Variants in MAML2 observed in about 807,000 individuals in gnomAD.
MAML2 encodes mastermind-like protein 2.
MAML2 carries 22 observed loss-of-function variants against 96.1 expected under a neutral mutation model. That is an observed-to-expected ratio of 0.23 (90% CI 0.16 to 0.33). MAML2 has a LOEUF of 0.33. Among genes scored for constraint, MAML2 ranks in the 10% least tolerant of loss-of-function variants. The probability of loss-of-function intolerance (pLI) is 1.00; values close to 1 mark genes in which losing one functional copy is unlikely to be tolerated. For missense variants in MAML2, 1,367 were observed against 1,392.4 expected, an observed-to-expected ratio of 0.98 and a Z score of 0.29; for synonymous variants, 561 against 521.3, an observed-to-expected ratio of 1.08 and a Z score of -1.04.
At chr11:96,082,835 T>C (rs1859549024) in intron 2 of MAML2, among the ~76,000 whole-genome samples, 1 of 152,146 alleles carries the variant, frequency 6.6e-6, no homozygotes, top group South Asian at 2.1e-4. Context: ...TGGATGGTCA[T>C]GCAGTGGTGT....
intron 1 of MAML2, among the ~76,000 whole-genome samples, chr11:96,157,102 G>A (rs1861021563): frequency 6.6e-6 from 1 of 152,230 alleles, no homozygotes; most frequent in Admixed American, 6.5e-5. Flanking sequence ...TACAAGAAGA[G>A]ATTGATAAAC....
chr11:96,238,141 G>A (rs1862389499), intron 1 of MAML2, among the ~76,000 whole-genome samples: 2 of 152,202 alleles, frequency 1.3e-5, no homozygotes, highest in South Asian at 2.1e-4. Context: ...TTAGTACAGA[G>A]CTTTAGTTGT....
intron 2 of MAML2, among the ~76,000 whole-genome samples, chr11:96,053,348 T>C (rs1859016115): frequency 6.6e-6 from 1 of 152,150 alleles, no homozygotes; most frequent in Non-Finnish European, 1.5e-5. Context: ...CAGAAATCCC[T>C]GACAGAAATG....
intron 1 of MAML2, among the ~76,000 whole-genome samples, chr11:96,202,177 CAAAAAAAAAA>C (rs35124521): frequency 4.3e-4 from 33 of 75,864 alleles, no homozygotes; most frequent in Middle Eastern, 6.9e-3. Flanking sequence ...ACTAAAAATA[CAAAAAAAAAA>C]AAAAAAAAAA....
chr11:96,082,346 G>C (rs890274294), intron 2 of MAML2, among the ~76,000 whole-genome samples: 8 of 152,196 alleles, frequency 5.3e-5, no homozygotes, highest in African/African-American at 1.9e-4. Flanking sequence ...TATACTGAAA[G>C]GTTTGCACTG....
At position 95,979,778 on chromosome 11, in the gene MAML2, A is replaced by T. The variant is rs561426735; in HGVS notation, c.2641T>A (p.Tyr881Asn). 4 of 1,613,854 alleles carry T rather than the reference A, an allele frequency of 2.5e-6. No homozygotes were observed. In the African/African-American group the frequency reaches 5.3e-5, roughly 22 times the overall value. The change falls in exon 5 of 5, where the codon TAC (tyrosine) becomes AAC (asparagine). Residue 881 changes from tyrosine (Y) to asparagine (N), a missense_variant. By Grantham distance (143) the Tyr-to-Asn change is moderately radical. Coordinates refer to ENST00000524717, the MANE Select transcript of MAML2 (RefSeq NM_032427.4). ...TGATTCATTCCTGAAGTGACACTGT[A>T]TGTGTTAGGTTGATTACAAGGCAGA... ...GNLPCNQPNTYSVTSGMNQLT... is the reference protein window; with the variant it reads ...GNLPCNQPNTNSVTSGMNQLT...
rs78331600 is a variant in MAML2, at chr11:96,066,891, C to T, written c.2139+25001G>A. Reference sequence around the variant, plus strand: ...GCAGGGGGAAAGGAAAGAGCAAAGACTCTGAGATGGGCTTGTACTTGGTGC... The same window carrying T: ...GCAGGGGGAAAGGAAAGAGCAAAGATTCTGAGATGGGCTTGTACTTGGTGC... On this transcript the variant is annotated intron_variant, in intron 2 of 4. Coordinates refer to ENST00000524717, the MANE Select transcript of MAML2 (RefSeq NM_032427.4). Among the ~76,000 whole-genome samples the T allele has an allele frequency of 8.5e-5, 13 of 152,292 alleles. No homozygotes were observed. The East Asian group carries it at 2.5e-3, about 29-fold the overall frequency.
At chr11:96,168,079 T>A (rs1861221234) in intron 1 of MAML2, among the ~76,000 whole-genome samples, 1 of 152,186 alleles carries the variant, frequency 6.6e-6, no homozygotes, top group South Asian at 2.1e-4. Flanking sequence ...AGCTCATGGG[T>A]TCTGGAGCTG....
intron 1 of MAML2, among the ~76,000 whole-genome samples, chr11:96,260,078 C>T (rs887855969): frequency 1.3e-5 from 2 of 151,966 alleles, no homozygotes; most frequent in African/African-American, 4.8e-5. Flanking sequence ...CCTCGGAACA[C>T]CTGTGCCACC....
At chr11:96,160,430 T>C (rs1419519552) in intron 1 of MAML2, among the ~76,000 whole-genome samples, 1 of 48,756 alleles carries the variant, frequency 2.1e-5, no homozygotes, top group Non-Finnish European at 5.7e-5. Flanking sequence ...TTTTCCAATT[T>C]TTTTTTTTTT....
chr11:96,008,403 A>T (rs962189423), intron 2 of MAML2, among the ~76,000 whole-genome samples: 1 of 152,214 alleles, frequency 6.6e-6, no homozygotes, highest in Non-Finnish European at 1.5e-5. Context: ...CAATGTTTAC[A>T]TTGTTTTGTA....
chr11:96,215,743 C>A (rs984653268), intron 1 of MAML2, among the ~76,000 whole-genome samples: 2 of 152,082 alleles, frequency 1.3e-5, no homozygotes, highest in East Asian at 1.9e-4. Flanking sequence ...AGCCACCCCC[C>A]TCGGGTGCTG....
intron 1 of MAML2, among the ~76,000 whole-genome samples, chr11:96,127,739 C>T (rs1201027733): frequency 6.6e-6 from 1 of 152,160 alleles, no homozygotes; most frequent in African/African-American, 2.4e-5. Flanking sequence ...TTAACAGCTT[C>T]TGTACAGTAT....
chr11:96,058,474 C>A (rs1859104025), intron 2 of MAML2, among the ~76,000 whole-genome samples: 1 of 152,148 alleles, frequency 6.6e-6, no homozygotes, highest in African/African-American at 2.4e-5. Flanking sequence ...CATGCGCCAC[C>A]ATGCCTGGCT....
At chr11:96,280,805 A>G (rs1469025927) in intron 1 of MAML2, among the ~76,000 whole-genome samples, 1 of 152,162 alleles carries the variant, frequency 6.6e-6, no homozygotes, top group Admixed American at 6.5e-5. Flanking sequence ...GGTTAAATTG[A>G]TTTACATAAT....
intron 1 of MAML2, among the ~76,000 whole-genome samples, chr11:96,102,257 CAGAG>C (rs1365948232): frequency 1.3e-5 from 2 of 152,178 alleles, no homozygotes; most frequent in South Asian, 2.1e-4. Flanking sequence ...GCCTGGGTGA[CAGAG>C]AGAGACTCTG....
intron 2 of MAML2, among the ~76,000 whole-genome samples, chr11:96,073,366 G>A (rs1361700057): frequency 6.8e-6 from 1 of 146,084 alleles, no homozygotes; most frequent in African/African-American, 2.5e-5. Context: ...TGTTGCCCAG[G>A]CTGGAGTGCA....
chr11:96,253,996 A>C (rs1862624881), intron 1 of MAML2, among the ~76,000 whole-genome samples: 1 of 152,224 alleles, frequency 6.6e-6, no homozygotes, highest in Non-Finnish European at 1.5e-5. Context: ...AAGGTATATA[A>C]GAATAAATAC....
chr11:96,218,895 C>T (rs1209973282), intron 1 of MAML2, among the ~76,000 whole-genome samples: 5 of 152,164 alleles, frequency 3.3e-5, no homozygotes, highest in African/African-American at 1.2e-4. Context: ...TTTAACTGAG[C>T]ATTTTATATT....
Sources: allele counts gnomAD v4.1 joint callset (sites outside exome capture counted in the v4.1 genomes callset), GRCh38; gene constraint gnomAD v4.1.1; transcripts MANE v1.5; gene names NCBI Gene and HGNC (gene_info 2026-07-23, HGNC 2026-07-21).